Variants in EFCAB6 observed in about 807,000 individuals in gnomAD.
EFCAB6 encodes EF-hand calcium binding domain 6.
Under a neutral mutation model 169.8 loss-of-function variants are expected in EFCAB6, and 156 were observed. The observed-to-expected ratio is 0.92, with a 90% CI of 0.81 to 1.05. EFCAB6 has a LOEUF of 1.05. Ranked by LOEUF, EFCAB6 falls within the 50% of genes least tolerant of loss-of-function variation. The pLI, the probability that EFCAB6 is intolerant of heterozygous loss-of-function variation, is 0.00. For synonymous variants in EFCAB6, 698 were observed against 676.4 expected (o/e 1.03, Z -0.50); for missense variants, 1,800 against 1,829.1 (o/e 0.98, Z 0.29).
intron 28 of EFCAB6, among the ~76,000 whole-genome samples, chr22:43,538,312 C>T (rs1383707085): frequency 6.6e-6 from 1 of 152,180 alleles, no homozygotes; most frequent in Non-Finnish European, 1.5e-5. Context: ...ACCAGCACCC[C>T]ATCCCAAGCC....
chr22:43,794,786 T>C (rs1380751006), intron 2 of EFCAB6, among the ~76,000 whole-genome samples: 1 of 152,206 alleles, frequency 6.6e-6, no homozygotes, highest in East Asian at 1.9e-4. Context: ...CATACTGCCT[T>C]AATATCTTAG....
chr22:43,578,300 C>T (rs796955204), intron 25 of EFCAB6, among the ~76,000 whole-genome samples: 16 of 152,278 alleles, frequency 1.1e-4, no homozygotes, highest in African/African-American at 3.6e-4. Context: ...CTTGTGGCCC[C>T]CCAGCACCCT....
At chr22:43,720,788 A>G (rs2059496931) in intron 8 of EFCAB6, among the ~76,000 whole-genome samples, 1 of 152,160 alleles carries the variant, frequency 6.6e-6, no homozygotes, top group Non-Finnish European at 1.5e-5. Flanking sequence ...TACATATGAT[A>G]TGAATCACTG....
intron 6 of EFCAB6, among the ~76,000 whole-genome samples, chr22:43,751,108 G>A (rs2060743502): frequency 6.6e-6 from 1 of 152,232 alleles, no homozygotes. Flanking sequence ...AGAGCAAACA[G>A]CCTGGGGCTT....
At chr22:43,732,776 T>C (rs372637129) in intron 7 of EFCAB6, among the ~76,000 whole-genome samples, 3 of 152,180 alleles carry the variant, frequency 2.0e-5, no homozygotes, top group African/African-American at 4.8e-5. Context: ...CGAGATAACC[T>C]TTTTTTAAAG....
chr22:43,671,964 A>G lies in EFCAB6; in HGVS notation c.1640+9T>C. The G allele has an allele frequency of 6.2e-7, 1 of 1,610,704 alleles. No homozygotes were observed. The highest frequency in any genetic ancestry group is 8.5e-7 in the Non-Finnish European group (1 of 1,179,042). ...ACGACATGAATTAATTTTGTTACAAAAAACTTACTTTATGAAATGTGCATT... is the reference window on the plus strand; with the variant it reads ...ACGACATGAATTAATTTTGTTACAAGAAACTTACTTTATGAAATGTGCATT... On this transcript the variant is annotated intron_variant, in intron 15 of 31. Coordinates refer to ENST00000262726, the MANE Select transcript of EFCAB6 (RefSeq NM_022785.4).
At chr22:43,711,699 C>T (rs1175032761) in intron 9 of EFCAB6, 76 bp from the exon 10 acceptor site, 1 of 1,516,064 alleles carries the variant, frequency 6.6e-7, no homozygotes, top group Non-Finnish European at 8.8e-7. Flanking sequence ...TTTATTTTTA[C>T]CAAAAACCTC....
At position 43,744,314 on chromosome 22, in the gene EFCAB6, A is replaced by G. The variant is rs2060486570; in HGVS notation, c.508-8321T>C. ...GATTGCAAGCCAAGACAATCCTTGT[A>G]GAGACAGGACAGGAACCTGCAAAAA... is the stretch of plus-strand genomic sequence containing the variant. On this transcript the variant is annotated intron_variant, in intron 6 of 31. Coordinates refer to ENST00000262726, the MANE Select transcript of EFCAB6 (RefSeq NM_022785.4). The surrounding 1 kb of genome is among the most constrained non-coding windows in gnomAD (Gnocchi z 4.3). Among the ~76,000 whole-genome samples, 1 of 152,130 alleles carries G rather than the reference A, an allele frequency of 6.6e-6. No homozygotes were observed. The highest frequency in any genetic ancestry group is 1.5e-5 in the Non-Finnish European group (1 of 68,040).
intron 27 of EFCAB6, among the ~76,000 whole-genome samples, chr22:43,548,039 T>C (rs1034084271): frequency 1.3e-5 from 2 of 151,896 alleles, no homozygotes; most frequent in Non-Finnish European, 2.9e-5. Flanking sequence ...GAACTTTCAG[T>C]GAGCCAAGAG....
At chr22:43,696,874 G>A (rs1406690954) in intron 10 of EFCAB6, among the ~76,000 whole-genome samples, 1 of 152,294 alleles carries the variant, frequency 6.6e-6, no homozygotes, top group Admixed American at 6.5e-5. Context: ...GACTGCAGTA[G>A]TGGTTACATA....
chr22:43,726,702 C>A lies in EFCAB6; in HGVS notation c.757+4997G>T, dbSNP rs535346713. ...AAGGAAGAGAGGCATAAAGGGGGAT[C>A]TCCAACATCTGTGAATAAACTTTGC... On this transcript the variant is annotated intron_variant, in intron 8 of 31. Transcript: ENST00000262726. Among the ~76,000 whole-genome samples the A allele has an allele frequency of 2.0e-5, 3 of 152,326 alleles. No individual in the cohort carries two copies. The South Asian group carries it at 6.2e-4, about 32-fold the overall frequency.
chr22:43,730,328 G>A (rs1336150104), intron 8 of EFCAB6, among the ~76,000 whole-genome samples: 1 of 145,306 alleles, frequency 6.9e-6, no homozygotes, highest in Non-Finnish European at 1.5e-5. Context: ...TAGGCAATCA[G>A]CCAGAGAAAA....
At chr22:43,583,809 C>A (rs185919722) in intron 24 of EFCAB6, among the ~76,000 whole-genome samples, 2 of 152,226 alleles carry the variant, frequency 1.3e-5, no homozygotes, top group East Asian at 1.9e-4. Flanking sequence ...AACTTCCTAG[C>A]CTCCAGAACT....
At chr22:43,696,075 T>C (rs2058565918) in intron 10 of EFCAB6, among the ~76,000 whole-genome samples, 1 of 152,142 alleles carries the variant, frequency 6.6e-6, no homozygotes, top group Non-Finnish European at 1.5e-5. Flanking sequence ...AAAATGCTTA[T>C]ACTCAGAGTA....
rs897234307 is a variant in EFCAB6, at chr22:43,628,466, G to A, written c.2233-1787C>T. On this transcript the variant is annotated intron_variant, in intron 19 of 31. Transcript: ENST00000262726. The surrounding 1 kb of genome is among the most constrained non-coding windows in gnomAD (Gnocchi z 4.8). Reference sequence around the variant, plus strand: ...TCGTCGGCTCCGTGGCCTCTGCTCTGTGCAATCGCTCCCGAGCGATCCCTT... The same window carrying A: ...TCGTCGGCTCCGTGGCCTCTGCTCTATGCAATCGCTCCCGAGCGATCCCTT... 2.6e-5 allele frequency among the ~76,000 whole-genome samples: 4 copies of A among 152,118 alleles called. No homozygotes were observed. Among genetic ancestry groups the A allele is most frequent in the African/African-American group, 7.2e-5 (3 of 41,426 alleles).
At chr22:43,766,640 G>A (rs545775701) in intron 4 of EFCAB6, among the ~76,000 whole-genome samples, 75 of 151,874 alleles carry the variant, frequency 4.9e-4, no homozygotes, top group African/African-American at 1.8e-3. Flanking sequence ...TCAGCCTCCC[G>A]AGAGCTTGGG....
chr22:43,665,089 T>C (rs2057184254), intron 17 of EFCAB6, among the ~76,000 whole-genome samples: 2 of 151,934 alleles, frequency 1.3e-5, no homozygotes, highest in Non-Finnish European at 2.9e-5. Flanking sequence ...CCTGAGCAAC[T>C]GGGAAAAAAA....
intron 8 of EFCAB6, among the ~76,000 whole-genome samples, chr22:43,720,503 C>A (rs368662993): frequency 4.6e-5 from 7 of 151,996 alleles, no homozygotes; most frequent in Admixed American, 6.6e-5. Flanking sequence ...CAGAGCAAGA[C>A]CCTGTCTCTA....
At chr22:43,540,443 C>A in intron 27 of EFCAB6, 86 bp from the exon 28 acceptor site, 1 of 1,593,702 alleles carries the variant, frequency 6.3e-7, no homozygotes, top group Non-Finnish European at 8.5e-7. Context: ...TGGGACAGGC[C>A]GGCCTCGCAG....
Sources: allele counts gnomAD v4.1 joint callset (sites outside exome capture counted in the v4.1 genomes callset), GRCh38; gene constraint gnomAD v4.1.1; non-coding constraint Gnocchi (gnomAD v3.1); transcripts MANE v1.5; gene names NCBI Gene and HGNC (gene_info 2026-07-23, HGNC 2026-07-21).